Variants in CTNND2 observed in about 807,000 individuals in gnomAD.
The protein encoded by CTNND2 is catenin delta-2.
In CTNND2, 22 loss-of-function variants were observed where a neutral mutation model predicts 144.4. That is an observed-to-expected ratio of 0.15 (90% CI 0.11 to 0.22). CTNND2 has a LOEUF of 0.22. Ranked by LOEUF, CTNND2 falls within the 10% of genes least tolerant of loss-of-function variation. The pLI is 1.00. For missense variants in CTNND2, 1,353 were observed against 1,618.8 expected, an observed-to-expected ratio of 0.84 and a Z score of 2.82; for synonymous variants, 751 against 695.6, an observed-to-expected ratio of 1.08 and a Z score of -1.25.
At chr5:11,292,229 A>C (rs1341807287) in intron 9 of CTNND2, among the ~76,000 whole-genome samples, 1 of 152,204 alleles carries the variant, frequency 6.6e-6, no homozygotes, top group African/African-American at 2.4e-5. Flanking sequence ...AAATTCATAA[A>C]TTGAAGTTCT....
chr5:11,441,991 A>G (rs987626065), intron 3 of CTNND2, among the ~76,000 whole-genome samples: 10 of 152,212 alleles, frequency 6.6e-5, no homozygotes, highest in Admixed American at 1.3e-4. Context: ...CAGAAATGAC[A>G]TTCTTTGATG....
intron 16 of CTNND2, among the ~76,000 whole-genome samples, chr5:11,071,130 T>C: frequency 6.6e-6 from 1 of 152,162 alleles, no homozygotes; most frequent in East Asian, 1.9e-4. Context: ...GGAACAAAGG[T>C]ACGTGAATAT....
At chr5:11,145,708 C>A (rs1757174106) in intron 12 of CTNND2, among the ~76,000 whole-genome samples, 1 of 152,188 alleles carries the variant, frequency 6.6e-6, no homozygotes, top group African/African-American at 2.4e-5. Context: ...ATTTGTATAG[C>A]AAGAGGAGCC....
intron 7 of CTNND2, 67 bp from the exon 8 acceptor site, chr5:11,364,957 G>T: frequency 7.2e-7 from 1 of 1,387,192 alleles, no homozygotes; most frequent in Non-Finnish European, 9.9e-7. Context: ...TTTAATCAAA[G>T]ACATATTCAA....
chr5:11,693,904 A>G (rs977454452), intron 2 of CTNND2, among the ~76,000 whole-genome samples: 1 of 152,238 alleles, frequency 6.6e-6, no homozygotes, highest in Non-Finnish European at 1.5e-5. Context: ...CAACTAATTA[A>G]TGCATAATCT....
intron 2 of CTNND2, among the ~76,000 whole-genome samples, chr5:11,637,550 C>T (rs113675225): frequency 2.0e-5 from 3 of 152,100 alleles, no homozygotes; most frequent in Admixed American, 6.5e-5. Flanking sequence ...CAGAATTCCA[C>T]CTCTTTAGCC....
At chr5:10,981,503 A>G (rs1029440682) in intron 21 of CTNND2, among the ~76,000 whole-genome samples, 3 of 152,134 alleles carry the variant, frequency 2.0e-5, no homozygotes, top group Non-Finnish European at 4.4e-5. Flanking sequence ...GTTTTGCACC[A>G]TAGCAGAATA....
At chr5:11,135,333 G>T (rs1756025730) in intron 12 of CTNND2, among the ~76,000 whole-genome samples, 1 of 152,016 alleles carries the variant, frequency 6.6e-6, no homozygotes, top group Non-Finnish European at 1.5e-5. Context: ...GAAACTCAAG[G>T]TTTTTCTAAA....
Position 10,988,701 on chromosome 5 carries a change from A to G in CTNND2, c.3212-459T>C, listed in dbSNP as rs1738324642. On this transcript the variant is annotated intron_variant, in intron 19 of 21. Coordinates refer to ENST00000304623, the MANE Select transcript of CTNND2 (RefSeq NM_001332.4). This position sits in a 1 kb window ranked among gnomAD's most constrained non-coding sequence, Gnocchi z 5.9. ...ACTAATCCTTGATTAAAATAAATGC[A>G]GTTTTACTTAAACACTGAGTCACCT... 6.6e-6 allele frequency among the ~76,000 whole-genome samples: 1 copy of G among 152,196 alleles called. No homozygotes were observed. Among genetic ancestry groups the G allele is most frequent in the Non-Finnish European group, 1.5e-5 (1 of 68,044 alleles).
At chr5:11,651,383 C>T (rs1328138115) in intron 2 of CTNND2, among the ~76,000 whole-genome samples, 1 of 152,174 alleles carries the variant, frequency 6.6e-6, no homozygotes, top group African/African-American at 2.4e-5. Flanking sequence ...GATATGCAGG[C>T]AAAAGTCTGC....
chr5:11,781,497 T>C (rs868576613), intron 1 of CTNND2, among the ~76,000 whole-genome samples: 1 of 152,198 alleles, frequency 6.6e-6, no homozygotes, highest in African/African-American at 2.4e-5. Flanking sequence ...TTGCTTTTTA[T>C]TGCCCTTCAA....
chr5:11,314,648 T>G (rs1175276005), intron 9 of CTNND2, among the ~76,000 whole-genome samples: 1 of 152,248 alleles, frequency 6.6e-6, no homozygotes, highest in Non-Finnish European at 1.5e-5. Flanking sequence ...ATTACTGGCA[T>G]AGGCCACTGC....
intron 2 of CTNND2, among the ~76,000 whole-genome samples, chr5:11,637,292 A>G (rs538062066): frequency 1.3e-5 from 2 of 152,344 alleles, no homozygotes; most frequent in East Asian, 3.9e-4. Context: ...CACACAACTC[A>G]GAAGTATAGA....
chr5:11,286,667 G>C (rs113903540), intron 9 of CTNND2, among the ~76,000 whole-genome samples: 2 of 152,192 alleles, frequency 1.3e-5, no homozygotes, highest in South Asian at 2.1e-4. Flanking sequence ...CATCAAACTG[G>C]CAAAGATTTA....
intron 16 of CTNND2, among the ~76,000 whole-genome samples, chr5:11,031,216 G>A (rs1258573421): frequency 3.9e-5 from 6 of 152,174 alleles, no homozygotes; most frequent in Non-Finnish European, 7.3e-5. Flanking sequence ...CATGGTATGG[G>A]TATGTGCAAC....
rs1474794058 is a variant in CTNND2, at chr5:11,384,413, A to AAGAGAGG, written c.1177+245_1177+251dup. The AAGAGAGG allele has an allele frequency of 5.7e-6, 3 of 522,230 alleles. No individual in the cohort carries two copies. The highest frequency in any genetic ancestry group is 1.0e-5 in the Non-Finnish European group (3 of 297,142). 32.3% of individuals were successfully genotyped at this position (522,230 alleles called of 1,614,324 possible). A position where few individuals can be genotyped will look rare whatever the true frequency, so the allele number is the denominator to read the frequency against. On this transcript the variant is annotated intron_variant, in intron 7 of 21. Transcript: ENST00000304623. This position sits in a 1 kb window ranked among gnomAD's most constrained non-coding sequence, Gnocchi z 5.2. ...TAGGCTGGGGAGAGGGCAGAGAGAG[A>AAGAGAGG]AGAGAGGAGAGAAGAGAGTGATATA...
At chr5:11,150,770 G>GCA (rs1757691878) in intron 12 of CTNND2, among the ~76,000 whole-genome samples, 2 of 151,958 alleles carry the variant, frequency 1.3e-5, no homozygotes, top group Admixed American at 1.3e-4. Flanking sequence ...GGGATTACAG[G>GCA]TGCCCGCCAG....
chr5:11,185,677 G>A (rs1237942328), intron 11 of CTNND2, among the ~76,000 whole-genome samples: 1 of 152,158 alleles, frequency 6.6e-6, no homozygotes, highest in African/African-American at 2.4e-5. Flanking sequence ...CCTCTAGGCT[G>A]AGTTTCATCC....
intron 7 of CTNND2, among the ~76,000 whole-genome samples, chr5:11,375,318 G>A (rs907755475): frequency 2.0e-5 from 3 of 152,124 alleles, no homozygotes; most frequent in East Asian, 3.9e-4. Context: ...GGGAGGAAAC[G>A]ACAAGTAAAC....
Sources: gnomAD v4.1 joint callset for allele counts (sites outside exome capture counted in the v4.1 genomes callset) on GRCh38, gnomAD v4.1.1 for gene constraint, Gnocchi (gnomAD v3.1) non-coding constraint, MANE v1.5 for transcripts, NCBI Gene and HGNC (gene_info 2026-07-23, HGNC 2026-07-21) for gene names.